NOL4: variants seen among roughly 807,000 people sequenced by gnomAD.
NOL4 encodes nucleolar protein 4.
NOL4 carries 17 observed loss-of-function variants against 75.9 expected under a neutral mutation model. That is an observed-to-expected ratio of 0.22 (90% CI 0.15 to 0.34). The LOEUF is 0.34. Ranked by LOEUF, NOL4 falls within the 10% of genes least tolerant of loss-of-function variation. The probability of loss-of-function intolerance (pLI) is 1.00; values close to 1 mark genes in which losing one functional copy is unlikely to be tolerated. For synonymous variants in NOL4, 292 were observed against 289.9 expected (o/e 1.01, Z -0.07); for missense variants, 614 against 793.5 (o/e 0.77, Z 2.72).
intron 9 of NOL4, among the ~76,000 whole-genome samples, chr18:33,910,300 T>TA: frequency 6.6e-6 from 1 of 152,196 alleles, no homozygotes; most frequent in Non-Finnish European, 1.5e-5. Context: ...CTGGGCTTAC[T>TA]TGCTCTCTGG....
At chr18:33,923,794 C>A (rs2145309671) in intron 9 of NOL4, among the ~76,000 whole-genome samples, 1 of 152,144 alleles carries the variant, frequency 6.6e-6, no homozygotes, top group Non-Finnish European at 1.5e-5. Context: ...TAAGTATAGA[C>A]AAAGTACATA....
chr18:33,955,104 CATAGTT>C (rs767009432), intron 8 of NOL4, among the ~76,000 whole-genome samples: 12 of 152,092 alleles, frequency 7.9e-5, no homozygotes, highest in Non-Finnish European at 1.3e-4. Flanking sequence ...AAGAGAAACA[CATAGTT>C]ATACTCATGT....
At chr18:34,180,993 T>C (rs573085973) in intron 1 of NOL4, among the ~76,000 whole-genome samples, 1 of 151,622 alleles carries the variant, frequency 6.6e-6, no homozygotes, top group South Asian at 2.1e-4. Context: ...GGCAATACTC[T>C]ATAAATTATC....
At position 33,919,021 on chromosome 18, in the gene NOL4, T is replaced by C. The variant is rs569477450; in HGVS notation, c.1542+24044A>G. 2.6e-4 allele frequency among the ~76,000 whole-genome samples: 39 copies of C among 152,256 alleles called. No homozygotes were observed. In the East Asian group the frequency reaches 7.0e-3, roughly 27 times the overall value. On this transcript the variant is annotated intron_variant, in intron 9 of 10. Coordinates refer to ENST00000261592, the MANE Select transcript of NOL4 (RefSeq NM_003787.5). ...AAATAAATGATTAAATAAAATACCT[T>C]TTATTTTTATGTATTTTATGTATTT...
chr18:33,859,794 C>G (rs1442482858), intron 10 of NOL4, among the ~76,000 whole-genome samples: 2 of 152,020 alleles, frequency 1.3e-5, no homozygotes, highest in Non-Finnish European at 2.9e-5. Flanking sequence ...TGGTGGGCAC[C>G]TGTAATCCCA....
chr18:34,129,892 T>C lies in NOL4; in HGVS notation c.393A>G (p.Gly131=), dbSNP rs1197309884. The C allele has an allele frequency of 2.5e-6, 4 of 1,592,856 alleles. No individual in the cohort carries two copies. The highest frequency in any genetic ancestry group is 3.4e-6 in the Non-Finnish European group (4 of 1,169,462). The change falls in exon 2 of 11, where the codon GGA becomes GGG. Residue 131 remains glycine (G), a synonymous_variant. Coordinates refer to ENST00000261592, the MANE Select transcript of NOL4 (RefSeq NM_003787.5). ...PNGEQIRKHA[G]QKRTYKAISE... ...TTACTGCTTTGTAAGTTCTCTTTTG[T>C]CCAGCGTGTTTCCGAATTTGTTCTC... is the stretch of plus-strand genomic sequence containing the variant.
chr18:34,054,777 T>A (rs923100969), intron 5 of NOL4, among the ~76,000 whole-genome samples: 1 of 151,782 alleles, frequency 6.6e-6, no homozygotes, highest in Admixed American at 6.6e-5. Flanking sequence ...TGTAGCTCTA[T>A]TACTTCTCCT....
At chr18:33,998,176 T>C (rs182471077) in intron 6 of NOL4, among the ~76,000 whole-genome samples, 25 of 152,096 alleles carry the variant, frequency 1.6e-4, no homozygotes, top group African/African-American at 5.5e-4. Context: ...TGTGAGGTGA[T>C]GGAAATCAAA....
At chr18:33,979,915 A>G (rs1415513803) in intron 6 of NOL4, among the ~76,000 whole-genome samples, 1 of 152,046 alleles carries the variant, frequency 6.6e-6, no homozygotes, top group Non-Finnish European at 1.5e-5. Flanking sequence ...CTGCCTCATA[A>G]GAAAGCAATT....
At chr18:34,101,060 A>C (rs912648314) in intron 4 of NOL4, among the ~76,000 whole-genome samples, 1 of 152,174 alleles carries the variant, frequency 6.6e-6, no homozygotes, top group African/African-American at 2.4e-5. Flanking sequence ...GCAAAACTTA[A>C]AATCTATTCA....
chr18:33,913,942 T>A (rs2066557304), intron 9 of NOL4, among the ~76,000 whole-genome samples: 1 of 152,084 alleles, frequency 6.6e-6, no homozygotes, highest in African/African-American at 2.4e-5. Context: ...TACATATATT[T>A]ATGTAATGCC....
intron 10 of NOL4, among the ~76,000 whole-genome samples, chr18:33,865,022 T>C (rs1431486569): frequency 6.6e-6 from 1 of 152,128 alleles, no homozygotes; most frequent in East Asian, 1.9e-4. Flanking sequence ...CAAGTAGTGA[T>C]TATGGGGATT....
At chr18:33,859,082 T>C (rs1278960751) in intron 10 of NOL4, among the ~76,000 whole-genome samples, 3 of 152,114 alleles carry the variant, frequency 2.0e-5, no homozygotes, top group Non-Finnish European at 4.4e-5. Context: ...CCTTTGTTAG[T>C]CTTCCCTATT....
chr18:34,057,698 T>C (rs902760798), intron 5 of NOL4, among the ~76,000 whole-genome samples: 4 of 152,226 alleles, frequency 2.6e-5, no homozygotes, highest in Non-Finnish European at 4.4e-5. Context: ...GAATATTTCC[T>C]GAAGGAAGTT....
At chr18:34,034,222 T>A (rs923210211) in intron 5 of NOL4, among the ~76,000 whole-genome samples, 2 of 151,996 alleles carry the variant, frequency 1.3e-5, no homozygotes, top group African/African-American at 4.8e-5. Flanking sequence ...GAACAAAGAA[T>A]ATACTAAACC....
At chr18:34,181,484 T>A (rs148728155) in intron 1 of NOL4, among the ~76,000 whole-genome samples, 1 of 151,660 alleles carries the variant, frequency 6.6e-6, no homozygotes, top group East Asian at 1.9e-4. Flanking sequence ...AAAACAGAAG[T>A]ACACATCATT....
At chr18:33,907,501 G>A (rs1007136013) in intron 9 of NOL4, among the ~76,000 whole-genome samples, 5 of 152,030 alleles carry the variant, frequency 3.3e-5, no homozygotes, top group Admixed American at 3.3e-4. Flanking sequence ...TAATATTTAT[G>A]TTACAGTCTA....
At chr18:34,012,858 CT>C (rs2074453821) in intron 6 of NOL4, among the ~76,000 whole-genome samples, 1 of 151,954 alleles carries the variant, frequency 6.6e-6, no homozygotes, top group South Asian at 2.1e-4. Context: ...CTATTCCTTT[CT>C]GTATAGCTTG....
At chr18:34,054,531 T>C (rs1600413923) in intron 5 of NOL4, among the ~76,000 whole-genome samples, 1 of 152,100 alleles carries the variant, frequency 6.6e-6, no homozygotes, top group East Asian at 1.9e-4. Flanking sequence ...CTCTGCTCTT[T>C]TTTAGTTATC....
Sources: allele counts gnomAD v4.1 joint callset (sites outside exome capture counted in the v4.1 genomes callset), GRCh38; gene constraint gnomAD v4.1.1; transcripts MANE v1.5; gene names NCBI Gene and HGNC (gene_info 2026-07-23, HGNC 2026-07-21).